The following PDE11A variants were observed in gnomAD, a reference collection of about 807,000 sequenced individuals.
PDE11A encodes the protein phosphodiesterase 11A, also known as dual 3',5'-cyclic-AMP and -GMP phosphodiesterase 11A.
PDE11A carries 100 observed loss-of-function variants against 100.5 expected under a neutral mutation model. That is an observed-to-expected ratio of 1.00 (90% CI 0.85 to 1.18). The LOEUF (loss-of-function observed/expected upper bound fraction) is 1.18. PDE11A is among the 50% of genes most tolerant of loss of function. The pLI is 0.00. For missense variants in PDE11A, 1,141 were observed against 1,152.6 expected (o/e 0.99, Z 0.15); for synonymous variants, 381 against 420.8 (o/e 0.91, Z 1.16).
chr2:177,781,649 G>A (rs564640702), intron 9 of PDE11A, among the ~76,000 whole-genome samples: 4 of 152,158 alleles, frequency 2.6e-5, no homozygotes, highest in African/African-American at 4.8e-5. Context: ...CTACAGGTGC[G>A]TGCCACCACA....
Position 177,627,017 on chromosome 2 carries a change from C to CTTTT in PDE11A, c.*2386_*2389dup, listed in dbSNP as rs768524227. Reference sequence around the variant, plus strand: ...TATTCCCCTCTTAGTCTGGTTTATACTTTTTTTTTTTTTTTTTTTTTTTTT... The same window carrying CTTTT: ...TATTCCCCTCTTAGTCTGGTTTATACTTTTTTTTTTTTTTTTTTTTTTTTTTTTT... On this transcript the variant is annotated 3_prime_UTR_variant, in exon 20 of 20. Transcript: ENST00000286063. The CTTTT allele has an allele frequency of 9.8e-5, 4 of 40,954 alleles. 2 individuals are homozygous for CTTTT. The highest frequency in any genetic ancestry group is 5.7e-4 in the African/African-American group (4 of 7,036). 2.5% of individuals were successfully genotyped at this position (40,954 alleles called of 1,614,324 possible). A position where few individuals can be genotyped will look rare whatever the true frequency, so the allele number is the denominator to read the frequency against.
chr2:178,025,868 G>A (rs1351797267), intron 1 of PDE11A, among the ~76,000 whole-genome samples: 1 of 152,170 alleles, frequency 6.6e-6, no homozygotes, highest in Non-Finnish European at 1.5e-5. Flanking sequence ...TCTAAGAACT[G>A]CAATGAATCA....
chr2:177,999,887 C>A (rs918378164), intron 2 of PDE11A, among the ~76,000 whole-genome samples: 2 of 152,176 alleles, frequency 1.3e-5, no homozygotes, highest in Non-Finnish European at 2.9e-5. Flanking sequence ...ACTTACATAA[C>A]CTCATTTTTC....
intron 16 of PDE11A, among the ~76,000 whole-genome samples, chr2:177,677,319 C>T (rs2080791201): frequency 6.6e-6 from 1 of 152,230 alleles, no homozygotes; most frequent in Non-Finnish European, 1.5e-5. Context: ...AAAAATAAGG[C>T]TCAGAAACGT....
intron 2 of PDE11A, among the ~76,000 whole-genome samples, chr2:177,989,173 G>C (rs2085974077): frequency 1.3e-5 from 2 of 152,128 alleles, no homozygotes; most frequent in Admixed American, 1.3e-4. Flanking sequence ...GATAGTTTTA[G>C]TGCCTCTATT....
chr2:177,835,502 A>G (rs570669586), intron 6 of PDE11A, among the ~76,000 whole-genome samples: 5 of 152,312 alleles, frequency 3.3e-5, no homozygotes, highest in African/African-American at 9.6e-5. Flanking sequence ...GCTGAGGGTG[A>G]GAGGTGACAG....
At chr2:177,987,635 G>T (rs1428232036) in intron 2 of PDE11A, among the ~76,000 whole-genome samples, 5 of 152,150 alleles carry the variant, frequency 3.3e-5, no homozygotes, top group Non-Finnish European at 7.3e-5. Context: ...TAGAAAACAG[G>T]CTGCTGTCTC....
intron 6 of PDE11A, among the ~76,000 whole-genome samples, chr2:177,833,692 G>A (rs2083345810): frequency 6.6e-6 from 1 of 152,182 alleles, no homozygotes; most frequent in African/African-American, 2.4e-5. Context: ...CCATTTTGGG[G>A]CATTCTATCC....
intron 1 of PDE11A, among the ~76,000 whole-genome samples, chr2:178,042,877 G>T (rs779905227): frequency 6.6e-6 from 1 of 152,176 alleles, no homozygotes; most frequent in Non-Finnish European, 1.5e-5. Context: ...ATTGCTTATT[G>T]CTGCAAAGCT....
At chr2:177,784,191 A>G (rs2082496376) in intron 9 of PDE11A, among the ~76,000 whole-genome samples, 1 of 91,616 alleles carries the variant, frequency 1.1e-5, no homozygotes, top group Admixed American at 9.3e-5. Context: ...TTCACAAGAT[A>G]CAGACCACAA....
At chr2:177,853,563 T>C (rs1457314076) in intron 5 of PDE11A, among the ~76,000 whole-genome samples, 1 of 146,172 alleles carries the variant, frequency 6.8e-6, no homozygotes, top group African/African-American at 2.5e-5. Flanking sequence ...CCCCACAATA[T>C]CTCTCTGTGA....
rs114110275 is a variant in PDE11A, at chr2:177,655,162, C to G, written c.2646+8704G>C. Reference sequence around the variant, plus strand: ...ATATCCTATTTTTTTCCATTGGATTCCAGCATTTTAATATGGATTCATGGC... The same window carrying G: ...ATATCCTATTTTTTTCCATTGGATTGCAGCATTTTAATATGGATTCATGGC... On this transcript the variant is annotated intron_variant, in intron 19 of 19. Transcript: ENST00000286063. Among the ~76,000 whole-genome samples, 906 of 152,106 alleles carry G rather than the reference C, an allele frequency of 6.0e-3. 4 individuals carry two copies. The highest frequency in any genetic ancestry group is 9.6e-3 in the Non-Finnish European group (656 of 67,990).
rs372989045 is a variant in PDE11A at position 177,802,850 on chromosome 2, C to T, written c.1737+13979G>A. 5.9e-5 allele frequency among the ~76,000 whole-genome samples: 9 copies of T among 151,880 alleles called. No homozygotes were observed. The East Asian group carries it at 9.7e-4, about 16-fold the overall frequency. ...AGATTACCAAAACAAAAAGATTATG[C>T]CTAACCAAATGTTATGAATACAGGT... On this transcript the variant is annotated intron_variant, in intron 9 of 19. Coordinates refer to ENST00000286063, the MANE Select transcript of PDE11A (RefSeq NM_016953.4).
At chr2:178,030,082 C>A (rs1187236525) in intron 1 of PDE11A, among the ~76,000 whole-genome samples, 1 of 151,306 alleles carries the variant, frequency 6.6e-6, no homozygotes, top group African/African-American at 2.4e-5. Flanking sequence ...TATAGCAGCA[C>A]AAAACTGACT....
chr2:177,629,470 C>G lies in PDE11A; in HGVS notation c.2739G>C (p.Leu913=). The change falls in exon 20 of 20, where the codon CTG becomes CTC. Residue 913 remains leucine, a synonymous_variant. Transcript: ENST00000286063. The stretch of plus-strand genomic sequence containing the variant: ...GGGAGGATGAGGCAGTTGAGGCCAG[C>G]AGTCGTTTTTGGTGTAGCTCTTCCC... ...SKWEELHQKR[L]LASTASSSPA... 6.2e-7 allele frequency: 1 copy of G among 1,613,986 alleles called. No homozygotes were observed. Among genetic ancestry groups the G allele is most frequent in the Non-Finnish European group, 8.5e-7 (1 of 1,179,858 alleles).
intron 2 of PDE11A, chr2:177,997,474 G>A (rs1315126232): frequency 1.2e-6 from 1 of 817,516 alleles, no homozygotes; most frequent in African/African-American, 1.7e-5. Flanking sequence ...AAGGAGGAAT[G>A]TGGAAGAGAT....
upstream of PDE11A, among the ~76,000 whole-genome samples, chr2:178,075,035 A>G (rs552449505): frequency 5.1e-4 from 77 of 152,336 alleles, no homozygotes; most frequent in African/African-American, 1.7e-3. Context: ...GAAACAGAGC[A>G]CACTCAAATT....
chr2:177,904,442 G>T (rs530781196), intron 3 of PDE11A, among the ~76,000 whole-genome samples: 1 of 152,032 alleles, frequency 6.6e-6, no homozygotes, highest in Admixed American at 6.5e-5. Context: ...AACATAACTT[G>T]CTTCTTAAAG....
At chr2:177,791,033 C>T (rs2082623026) in intron 9 of PDE11A, among the ~76,000 whole-genome samples, 1 of 152,154 alleles carries the variant, frequency 6.6e-6, no homozygotes, top group Non-Finnish European at 1.5e-5. Context: ...CATCCCATTA[C>T]TGGGTATATA....
Sources: allele counts gnomAD v4.1 joint callset (sites outside exome capture counted in the v4.1 genomes callset), GRCh38; gene constraint gnomAD v4.1.1; transcripts MANE v1.5; gene names NCBI Gene and HGNC (gene_info 2026-07-23, HGNC 2026-07-21).